The following TBC1D32 variants were observed in gnomAD, a reference collection of about 807,000 sequenced individuals.
TBC1D32 encodes TBC1 domain family member 32, also known as protein broad-minded.
In TBC1D32, 151 loss-of-function variants were observed where a neutral mutation model predicts 170.3. The observed-to-expected ratio is 0.89, with a 90% CI of 0.78 to 1.01. The LOEUF is 1.01. Among genes scored for constraint, TBC1D32 ranks in the 50% least tolerant of loss-of-function variants. The pLI, the probability that TBC1D32 is intolerant of heterozygous loss-of-function variation, is 0.00. For missense variants in TBC1D32, 1,464 were observed against 1,457.1 expected, an observed-to-expected ratio of 1.00 and a Z score of -0.08; for synonymous variants, 498 against 488.0, an observed-to-expected ratio of 1.02 and a Z score of -0.27.
intron 24 of TBC1D32, among the ~76,000 whole-genome samples, chr6:121,156,433 GTCTA>G (rs372375248): frequency 5.9e-5 from 9 of 151,742 alleles, no homozygotes; most frequent in African/African-American, 1.9e-4. Flanking sequence ...CCAGCTAGCA[GTCTA>G]TCTATCTTGT....
intron 22 of TBC1D32, among the ~76,000 whole-genome samples, chr6:121,161,924 T>A (rs1167275647): frequency 6.6e-6 from 1 of 152,240 alleles, no homozygotes; most frequent in African/African-American, 2.4e-5. Flanking sequence ...TGCATTTCTC[T>A]AATGATCAGT....
chr6:121,144,116 T>C (rs1783135482), intron 24 of TBC1D32, among the ~76,000 whole-genome samples: 1 of 152,154 alleles, frequency 6.6e-6, no homozygotes, highest in African/African-American at 2.4e-5. Flanking sequence ...TAATGTCTTA[T>C]TCAAACACTT....
chr6:121,158,821 G>A (rs1424784455), intron 24 of TBC1D32, among the ~76,000 whole-genome samples: 1 of 152,126 alleles, frequency 6.6e-6, no homozygotes, highest in Non-Finnish European at 1.5e-5. Context: ...CTGCAGATAG[G>A]CCATGTAGCT....
intron 22 of TBC1D32, among the ~76,000 whole-genome samples, chr6:121,190,373 C>A (rs1428925376): frequency 1.3e-5 from 2 of 148,412 alleles, no homozygotes; most frequent in African/African-American, 5.0e-5. Context: ...TTCCTTCCCA[C>A]CTCTCCTCTG....
chr6:121,145,681 A>G (rs976065310), intron 24 of TBC1D32, among the ~76,000 whole-genome samples: 34 of 152,220 alleles, frequency 2.2e-4, no homozygotes, highest in Non-Finnish European at 1.0e-4. Context: ...TCCACAATGT[A>G]CACATATTTC....
At chr6:121,228,197 A>G (rs1795298924) in intron 20 of TBC1D32, among the ~76,000 whole-genome samples, 1 of 151,876 alleles carries the variant, frequency 6.6e-6, no homozygotes, top group South Asian at 2.1e-4. Context: ...GGGGTTTATC[A>G]CCTTTAATAA....
At chr6:121,295,927 G>A (rs1024553719) in intron 10 of TBC1D32, among the ~76,000 whole-genome samples, 1 of 152,112 alleles carries the variant, frequency 6.6e-6, no homozygotes, top group Non-Finnish European at 1.5e-5. Context: ...TCATCATTCT[G>A]AGAACTGAGA....
At chr6:121,286,419 G>C (rs995129080) in intron 12 of TBC1D32, among the ~76,000 whole-genome samples, 1 of 152,114 alleles carries the variant, frequency 6.6e-6, no homozygotes, top group African/African-American at 2.4e-5. Flanking sequence ...GAAATGAAGC[G>C]AGAAGAGAAG....
At chr6:121,286,353 G>A (rs1413005041) in intron 12 of TBC1D32, among the ~76,000 whole-genome samples, 1 of 152,188 alleles carries the variant, frequency 6.6e-6, no homozygotes, top group Non-Finnish European at 1.5e-5. Context: ...ACAAGCCTCA[G>A]TAGCCGATTT....
intron 15 of TBC1D32, among the ~76,000 whole-genome samples, chr6:121,257,058 T>C (rs937985976): frequency 2.0e-5 from 3 of 152,192 alleles, no homozygotes; most frequent in Non-Finnish European, 4.4e-5. Context: ...CATTAGATTG[T>C]TGTAGTTACA....
In TBC1D32 at chr6:121,203,820, T is replaced by G. The variant is rs1177721183; in HGVS notation, c.2570+1255A>C. 4.6e-5 allele frequency among the ~76,000 whole-genome samples: 7 copies of G among 151,270 alleles called. No homozygotes were observed. The South Asian group carries it at 1.2e-3, about 27-fold the overall frequency. ...AATTCTTTACAGTAGCATAGAATGA[T>G]AACATTTGGATATTATGAGAAAGCA... is the stretch of plus-strand genomic sequence containing the variant. On this transcript the variant is annotated intron_variant, in intron 22 of 31. Coordinates refer to ENST00000398212, the MANE Select transcript of TBC1D32 (RefSeq NM_152730.6).
intron 31 of TBC1D32, among the ~76,000 whole-genome samples, chr6:121,084,810 C>A: frequency 6.6e-6 from 1 of 152,096 alleles, no homozygotes; most frequent in Non-Finnish European, 1.5e-5. Context: ...AGTGTGCTAA[C>A]ATGGTATACC....
intron 20 of TBC1D32, among the ~76,000 whole-genome samples, chr6:121,223,795 A>C (rs1794779443): frequency 6.6e-6 from 1 of 151,862 alleles, no homozygotes; most frequent in Non-Finnish European, 1.5e-5. Context: ...ATTCACTGAA[A>C]ATCCAACTAA....
At position 121,160,050 on chromosome 6, in the gene TBC1D32, G is replaced by T; in HGVS notation, c.2733C>A (p.Cys911Ter). Residue 911 changes from cysteine (C) to a stop codon, truncating the protein, a stop_gained, in exon 24 of 32, where the codon TGC (cysteine) becomes TGA (stop). Transcript: ENST00000398212. LOFTEE classifies it high-confidence loss of function. ...CATTTCTTGTAATGTCTGACAGATAGCAGTTTGGCAATGGATATGATGAAA... is the reference window on the plus strand; with the variant it reads ...CATTTCTTGTAATGTCTGACAGATATCAGTTTGGCAATGGATATGATGAAA... Reference protein sequence around the residue: ...PMFSSYPLPNCYLSDITRNAG... With the variant: ...PMFSSYPLPN 6.2e-7 allele frequency: 1 copy of T among 1,608,030 alleles called. No individual in the cohort carries two copies. The highest frequency in any genetic ancestry group is 1.1e-5 in the South Asian group (1 of 90,438).
chr6:121,330,760 G>GC (rs1386451681), intron 1 of TBC1D32, among the ~76,000 whole-genome samples: 1 of 152,108 alleles, frequency 6.6e-6, no homozygotes, highest in Non-Finnish European at 1.5e-5. Flanking sequence ...TTTCTAAATA[G>GC]CCCCCAGATG....
intron 22 of TBC1D32, among the ~76,000 whole-genome samples, chr6:121,182,896 G>A (rs1022648456): frequency 6.6e-6 from 1 of 151,530 alleles, no homozygotes; most frequent in Non-Finnish European, 1.5e-5. Flanking sequence ...CAGGTAAATG[G>A]ATACAAGTTT....
At chr6:121,247,520 C>T (rs1232354990) in intron 17 of TBC1D32, among the ~76,000 whole-genome samples, 3 of 150,924 alleles carry the variant, frequency 2.0e-5, no homozygotes, top group African/African-American at 7.3e-5. Context: ...TTCAAAGAAA[C>T]AGAGTAGGAG....
intron 28 of TBC1D32, 63 bp from the exon 29 acceptor site, chr6:121,112,722 A>C: frequency 7.8e-7 from 1 of 1,281,762 alleles, no homozygotes. Flanking sequence ...AAATTCTGTA[A>C]ATAAAATAAA....
At chr6:121,310,910 T>C in intron 3 of TBC1D32, 63 bp from the exon 4 acceptor site, 1 of 905,070 alleles carries the variant, frequency 1.1e-6, no homozygotes, top group Non-Finnish European at 1.8e-6. Context: ...TGCTATAAGT[T>C]ATTTTTTCAA....
Sources: gnomAD v4.1 joint callset for allele counts (sites outside exome capture counted in the v4.1 genomes callset) on GRCh38, gnomAD v4.1.1 for gene constraint, MANE v1.5 for transcripts, NCBI Gene and HGNC (gene_info 2026-07-23, HGNC 2026-07-21) for gene names.